Variants in CNTN5 observed in about 807,000 individuals in gnomAD.
The protein encoded by CNTN5 is contactin-5.
Under a neutral mutation model 129.1 loss-of-function variants are expected in CNTN5, and 77 were observed. That is an observed-to-expected ratio of 0.60 (90% CI 0.50 to 0.72). The LOEUF (loss-of-function observed/expected upper bound fraction) is 0.72, where lower values mean the gene tolerates loss of function less well. Among genes scored for constraint, CNTN5 ranks in the 30% least tolerant of loss-of-function variants. The pLI, the probability that CNTN5 is intolerant of heterozygous loss-of-function variation, is 0.00. For synonymous variants in CNTN5, 509 were observed against 465.6 expected (o/e 1.09, Z -1.20); for missense variants, 1,478 against 1,328.8 (o/e 1.11, Z -1.75).
chr11:100,284,186 G>A (rs144034717), intron 18 of CNTN5, among the ~76,000 whole-genome samples: 40 of 152,234 alleles, frequency 2.6e-4, no homozygotes, highest in African/African-American at 9.6e-4. Flanking sequence ...TACCTCTTCA[G>A]TGCATCTTTC....
At chr11:99,094,049 T>A (rs1866369567) in intron 1 of CNTN5, among the ~76,000 whole-genome samples, 1 of 152,188 alleles carries the variant, frequency 6.6e-6, no homozygotes. Context: ...AATTAGATAC[T>A]GTTAGTACAC....
intron 2 of CNTN5, among the ~76,000 whole-genome samples, chr11:99,485,877 G>A (rs540227453): frequency 4.9e-4 from 74 of 151,922 alleles, no homozygotes; most frequent in Non-Finnish European, 8.3e-4. Context: ...TCAAGCAATT[G>A]GTTTTCATTT....
intron 7 of CNTN5, among the ~76,000 whole-genome samples, chr11:99,927,564 G>A (rs1239669202): frequency 6.6e-6 from 1 of 152,010 alleles, no homozygotes; most frequent in Non-Finnish European, 1.5e-5. Context: ...TTCACATGGT[G>A]GCAGCAAGAA....
At chr11:99,134,476 T>A (rs1026083817) in intron 1 of CNTN5, among the ~76,000 whole-genome samples, 1 of 152,150 alleles carries the variant, frequency 6.6e-6, no homozygotes, top group African/African-American at 2.4e-5. Flanking sequence ...GAATATATTA[T>A]AAATAAGGCT....
intron 24 of CNTN5, among the ~76,000 whole-genome samples, chr11:100,353,816 A>C (rs999774558): frequency 6.6e-6 from 1 of 151,328 alleles, no homozygotes; most frequent in African/African-American, 2.4e-5. Flanking sequence ...GTGTGTGTGC[A>C]CGCCCATGTG....
At position 99,956,688 on chromosome 11, in the gene CNTN5, A is replaced by C. The variant is rs937208187; in HGVS notation, c.674-118A>C. On this transcript the variant is annotated intron_variant, in intron 7 of 24. Transcript: ENST00000524871. ...AATACTAAATTATATAGATACATGG[A>C]TCAAATATGTATGACCTTGCAATAT... The C allele has an allele frequency of 2.1e-5, 14 of 663,162 alleles. No individual in the cohort carries two copies. In the Admixed American group the frequency reaches 3.9e-4, roughly 19 times the overall value. 41.1% of individuals were successfully genotyped at this position (663,162 alleles called of 1,614,324 possible). A position where few individuals can be genotyped will look rare whatever the true frequency, so the allele number is the denominator to read the frequency against.
intron 6 of CNTN5, among the ~76,000 whole-genome samples, chr11:99,880,124 C>T (rs961213544): frequency 8.5e-5 from 13 of 152,308 alleles, no homozygotes; most frequent in African/African-American, 2.9e-4. Context: ...TTTTCCCTCA[C>T]ATGCATAGCG....
At chr11:99,183,336 A>G (rs1188938875) in intron 1 of CNTN5, among the ~76,000 whole-genome samples, 1 of 152,134 alleles carries the variant, frequency 6.6e-6, no homozygotes, top group African/African-American at 2.4e-5. Flanking sequence ...ATTCTGTAGA[A>G]ATTATTTCAG....
At chr11:99,929,578 C>T (rs537375159) in intron 7 of CNTN5, among the ~76,000 whole-genome samples, 31 of 152,178 alleles carry the variant, frequency 2.0e-4, no homozygotes, top group Non-Finnish European at 7.3e-5. Flanking sequence ...GAAACATGTC[C>T]TTCTTCACAT....
At chr11:99,352,576 AT>A (rs1938373271) in intron 2 of CNTN5, among the ~76,000 whole-genome samples, 1 of 152,162 alleles carries the variant, frequency 6.6e-6, no homozygotes, top group Non-Finnish European at 1.5e-5. Context: ...AGTTGAAACA[AT>A]AAAAACAATA....
At chr11:99,819,871 T>C (rs144362224) in intron 4 of CNTN5, 106 bp downstream of exon 4, 2 of 761,030 alleles carry the variant, frequency 2.6e-6, no homozygotes, top group East Asian at 2.7e-5. Context: ...GAGAGAGTGA[T>C]TGAACTCAAC....
At chr11:100,292,192 CAAG>C (rs1039757643) in intron 18 of CNTN5, among the ~76,000 whole-genome samples, 5 of 151,966 alleles carry the variant, frequency 3.3e-5, no homozygotes, top group Non-Finnish European at 7.4e-5. Context: ...CCAGGTCAGA[CAAG>C]AAGGAGAAAA....
At chr11:100,004,753 C>T (rs1383113444) in intron 9 of CNTN5, among the ~76,000 whole-genome samples, 2 of 152,096 alleles carry the variant, frequency 1.3e-5, no homozygotes, top group Non-Finnish European at 2.9e-5. Context: ...GTTTCCAGAA[C>T]CAGGGAAAAC....
At chr11:99,089,727 C>T (rs1163070798) in intron 1 of CNTN5, among the ~76,000 whole-genome samples, 4 of 152,072 alleles carry the variant, frequency 2.6e-5, no homozygotes, top group Non-Finnish European at 5.9e-5. Context: ...GTTTAGATAG[C>T]GAGTAAAACT....
chr11:99,660,100 A>G (rs994748954), intron 3 of CNTN5, among the ~76,000 whole-genome samples: 4 of 152,118 alleles, frequency 2.6e-5, no homozygotes, highest in South Asian at 2.1e-4. Flanking sequence ...CACCCATAAT[A>G]TATTATATAG....
At chr11:100,309,417 A>C in intron 21 of CNTN5, 2 of 967,798 alleles carry the variant, frequency 2.1e-6, no homozygotes, top group Non-Finnish European at 2.5e-6. Flanking sequence ...TTTCTATGAT[A>C]AAAAAATTTA....
In CNTN5 at chr11:99,388,664, A is replaced by T. The variant is rs144975860; in HGVS notation, c.-71+63180A>T. ...TGCCACATTGTAAACATGTACTTAA[A>T]TTTCTATGTCAGTGAAAGAAAGAAC... On this transcript the variant is annotated intron_variant, in intron 2 of 24. Transcript: ENST00000524871. Among the ~76,000 whole-genome samples, 242 of 152,278 alleles carry T rather than the reference A, an allele frequency of 1.6e-3. 2 individuals are homozygous for T. Among genetic ancestry groups the T allele is most frequent in the African/African-American group, 5.4e-3 (224 of 41,568 alleles).
At chr11:99,385,484 G>A (rs1940871096) in intron 2 of CNTN5, among the ~76,000 whole-genome samples, 1 of 152,144 alleles carries the variant, frequency 6.6e-6, no homozygotes, top group Non-Finnish European at 1.5e-5. Context: ...TAATTTTATA[G>A]TAATGTGTTA....
chr11:100,077,874 A>G (rs773451998), intron 13 of CNTN5, among the ~76,000 whole-genome samples: 4 of 151,958 alleles, frequency 2.6e-5, no homozygotes, highest in African/African-American at 4.8e-5. Context: ...GAAATATTTA[A>G]AAAAACAAAA....
Sources: allele counts gnomAD v4.1 joint callset (sites outside exome capture counted in the v4.1 genomes callset), GRCh38; gene constraint gnomAD v4.1.1; transcripts MANE v1.5; gene names NCBI Gene and HGNC (gene_info 2026-07-23, HGNC 2026-07-21).